MBOAT7: variants seen among roughly 807,000 people sequenced by gnomAD.
The protein encoded by MBOAT7 is membrane bound acylglycerophosphatidylinositol O-acyltransferase MBOAT7.
Under a neutral mutation model 47.4 loss-of-function variants are expected in MBOAT7, and 40 were observed. The ratio of observed to expected loss-of-function variants is 0.84; its 90% CI spans 0.66 to 1.10. The LOEUF is 1.10. Ranked by LOEUF, MBOAT7 falls within the 50% of genes least tolerant of loss-of-function variation. MBOAT7 has a pLI of 0.00. For synonymous variants in MBOAT7, 361 were observed against 292.0 expected (o/e 1.24, Z -2.41); for missense variants, 680 against 655.6 (o/e 1.04, Z -0.41).
intron 4 of MBOAT7, among the ~76,000 whole-genome samples, chr19:54,186,687 G>A (rs1045683379): frequency 6.6e-6 from 1 of 152,128 alleles, no homozygotes; most frequent in South Asian, 2.1e-4. Context: ...CGGATAAGCC[G>A]CCAGTAGGAA....
Position 54,181,040 on chromosome 19 carries a change from C to A in MBOAT7, c.587G>T (p.Trp196Leu), listed in dbSNP as rs2076254268. The change falls in exon 6 of 8, where the codon TGG becomes TTG. Residue 196 changes from tryptophan (W) to leucine (L), a missense_variant. Transcript: ENST00000245615. ...CAGCAGGCCGAAGAGCGGGGCCGGC[C>A]AGGCGCGGCGCAGCAGGGGCCGCAG... is the stretch of plus-strand genomic sequence containing the variant. ...PSLRPLLRRA[W>L]PAPLFGLLFL... 6.5e-7 allele frequency: 1 copy of A among 1,548,570 alleles called. No individual in the cohort carries two copies.
Position 54,180,392 on chromosome 19 carries a change from T to A in MBOAT7, c.854+381A>T. On this transcript the variant is annotated intron_variant, in intron 6 of 7. Transcript: ENST00000245615. This position sits in a 1 kb window ranked among gnomAD's most constrained non-coding sequence, Gnocchi z 5.2. ...TTCTGTTGCTAGGGAACCGTTTCCC[T>A]AGCAACAGAGGGTGACCCACCACTA... The A allele has an allele frequency of 6.2e-6, 1 of 162,330 alleles. No individual in the cohort carries two copies. The highest frequency in any genetic ancestry group is 1.3e-5 in the Non-Finnish European group (1 of 75,342). 10.1% of individuals were successfully genotyped at this position (162,330 alleles called of 1,614,324 possible). A position where few individuals can be genotyped will look rare whatever the true frequency, so the allele number is the denominator to read the frequency against.
At chr19:54,176,992 C>T (rs1257918483) in intron 7 of MBOAT7, among the ~76,000 whole-genome samples, 2 of 151,864 alleles carry the variant, frequency 1.3e-5, no homozygotes, top group African/African-American at 2.4e-5. Context: ...GAGGCCGAGG[C>T]ACGCGGATCA....
In MBOAT7 at chr19:54,183,641, C is replaced by A; in HGVS notation, c.373G>T (p.Ala125Ser). The A allele has an allele frequency of 6.3e-7, 1 of 1,599,628 alleles. No individual in the cohort carries two copies. The highest frequency in any genetic ancestry group is 8.5e-7 in the Non-Finnish European group (1 of 1,173,678). ...CCTGAGGCCATTTCCTTCCTCTGGG[C>A]CAGATGCAGGTCCTGGACTTCACTG... ...LASEVQDLHL[A>S]QRKEMASGFS... The change falls in exon 5 of 8, where the codon GCC (alanine) becomes TCC (serine). Residue 125 changes from alanine (A) to serine (S), a missense_variant. Physicochemically the swap from Ala to Ser is moderately conservative, Grantham distance 99. Transcript: ENST00000245615.
At chr19:54,175,862 C>T (rs1043057562) in intron 7 of MBOAT7, among the ~76,000 whole-genome samples, 7 of 152,202 alleles carry the variant, frequency 4.6e-5, no homozygotes, top group African/African-American at 1.4e-4. Flanking sequence ...GCAGCTGGGA[C>T]TACAGGTGCC....
chr19:54,177,201 C>A (rs2076132440), intron 7 of MBOAT7, among the ~76,000 whole-genome samples: 1 of 110,714 alleles, frequency 9.0e-6, no homozygotes, highest in Non-Finnish European at 1.9e-5. Context: ...ATCCTTCTTA[C>A]TCCCAAAACT....
At position 54,180,715 on chromosome 19, in the gene MBOAT7, C is replaced by A. The variant is rs113507394; in HGVS notation, c.854+58G>T. On this transcript the variant is annotated intron_variant, in intron 6 of 7. Coordinates refer to ENST00000245615, the MANE Select transcript of MBOAT7 (RefSeq NM_024298.5). This position sits in a 1 kb window ranked among gnomAD's most constrained non-coding sequence, Gnocchi z 5.2. ...GCTCTCCTCCCGGCTAGGGGCAGAGCCAGCCCTTGGAGGTGGGGGCTGCTG... is the reference window on the plus strand; with the variant it reads ...GCTCTCCTCCCGGCTAGGGGCAGAGACAGCCCTTGGAGGTGGGGGCTGCTG... 1.4e-6 allele frequency: 2 copies of A among 1,432,718 alleles called. No homozygotes were observed. Among genetic ancestry groups the A allele is most frequent in the East Asian group, 2.5e-5 (1 of 40,156 alleles). 88.8% of individuals were successfully genotyped at this position (1,432,718 alleles called of 1,614,324 possible). A position where few individuals can be genotyped will look rare whatever the true frequency, so the allele number is the denominator to read the frequency against.
chr19:54,175,692 G>A (rs906049102), intron 7 of MBOAT7, among the ~76,000 whole-genome samples: 5 of 152,190 alleles, frequency 3.3e-5, no homozygotes, highest in Non-Finnish European at 5.9e-5. Flanking sequence ...TGGGATTACA[G>A]GCAAGCGCCA....
chr19:54,188,368 T>C, intron 2 of MBOAT7, 22 bp from the exon 3 acceptor site: 2 of 1,611,054 alleles, frequency 1.2e-6, no homozygotes, highest in Non-Finnish European at 1.7e-6. Flanking sequence ...AGGGACAGCA[T>C]AAGCCTGGAA....
chr19:54,188,436 C>T lies in MBOAT7; in HGVS notation c.73G>A (p.Ala25Thr), dbSNP rs1447094402. The change falls in exon 2 of 8, where the codon GCC (alanine) becomes ACC (threonine). Residue 25 changes from alanine (A) to threonine (T), a missense_variant. Transcript: ENST00000245615. Reference sequence around the variant, plus strand: ...CTGGGGAGGGAGCCTGACTCACCGGCTTTCTTAAAGAGGAAGCCGATGGGG... The same window carrying T: ...CTGGGGAGGGAGCCTGACTCACCGGTTTTCTTAAAGAGGAAGCCGATGGGG... The part of the protein sequence containing the change: ...SIPIGFLFKK[A>T]GPGLKRWGAA... 7 of 1,562,700 alleles carry T rather than the reference C, an allele frequency of 4.5e-6. No individual in the cohort carries two copies. Among genetic ancestry groups the T allele is most frequent in the South Asian group, 2.3e-5 (2 of 86,070 alleles).
At chr19:54,182,537 T>C (rs2147003078) in intron 5 of MBOAT7, among the ~76,000 whole-genome samples, 1 of 151,262 alleles carries the variant, frequency 6.6e-6, no homozygotes, top group African/African-American at 2.4e-5. Context: ...AAGCCAAGAG[T>C]TGTATGTTTT....
At position 54,180,951 on chromosome 19, in the gene MBOAT7, G is replaced by T; in HGVS notation, c.676C>A (p.Pro226Thr). 1 of 1,582,292 alleles carries T rather than the reference G, an allele frequency of 6.3e-7. No individual in the cohort carries two copies. The highest frequency in any genetic ancestry group is 8.6e-7 in the Non-Finnish European group (1 of 1,166,302). ...ATGTAGAAGAGGCGGGCGGGCAGCG[G>T]GCGGGCGTAGAAGGCGTCCTCGCGC... ...AVREDAFYAR[P>T]LPARLFYMIP... Residue 226 changes from proline (P) to threonine (T), a missense_variant, in exon 6 of 8, where the codon CCG (proline) becomes ACG (threonine). By Grantham distance (38) the Pro-to-Thr change is conservative. Transcript: ENST00000245615. This position sits in a 1 kb window ranked among gnomAD's most constrained non-coding sequence, Gnocchi z 5.2.
intron 1 of MBOAT7, among the ~76,000 whole-genome samples, chr19:54,188,741 C>G (rs1271559080): frequency 6.6e-6 from 1 of 151,988 alleles, no homozygotes; most frequent in African/African-American, 2.4e-5. Flanking sequence ...CACAGGCCTC[C>G]AGCTCTCCTG....
chr19:54,188,925 C>T (rs1404070056), intron 1 of MBOAT7, among the ~76,000 whole-genome samples: 6 of 152,062 alleles, frequency 3.9e-5, no homozygotes, highest in Non-Finnish European at 8.8e-5. Flanking sequence ...TTCGACAGCC[C>T]AGGAATCTAG....
intron 2 of MBOAT7, 42 bp downstream of exon 2, chr19:54,188,391 T>C: frequency 6.3e-7 from 1 of 1,588,972 alleles, no homozygotes. Context: ...TTCCAGAGGG[T>C]CCCCCCCCTT....
chr19:54,175,295 C>T (rs2076076337), intron 7 of MBOAT7, among the ~76,000 whole-genome samples: 1 of 152,168 alleles, frequency 6.6e-6, no homozygotes, highest in Non-Finnish European at 1.5e-5. Flanking sequence ...TGGTTCTTAA[C>T]CTGGGGTCCC....
In MBOAT7 at chr19:54,178,752, C is replaced by T. The variant is rs749428006; in HGVS notation, c.1031+13G>A. On this transcript the variant is annotated intron_variant, in intron 7 of 7. Transcript: ENST00000245615. Reference sequence around the variant, plus strand: ...TTCTGCAGTGTCACCTGAGACTGGGCGGGCTCACTCACCGCAGGACATAGG... The same window carrying T: ...TTCTGCAGTGTCACCTGAGACTGGGTGGGCTCACTCACCGCAGGACATAGG... The T allele has an allele frequency of 6.8e-6, 11 of 1,612,042 alleles. No individual in the cohort carries two copies. The highest frequency in any genetic ancestry group is 1.7e-5 in the Admixed American group (1 of 59,964).
chr19:54,187,461 G>A (rs2076461363), intron 3 of MBOAT7, among the ~76,000 whole-genome samples, 174 bp from the exon 4 acceptor site: 1 of 152,228 alleles, frequency 6.6e-6, no homozygotes, highest in Admixed American at 6.5e-5. Flanking sequence ...GAGTATGATT[G>A]AAACAGTGGG....
chr19:54,179,074 C>T (rs2076197216), intron 6 of MBOAT7, 133 bp from the exon 7 acceptor site: 3 of 1,292,006 alleles, frequency 2.3e-6, no homozygotes, highest in Admixed American at 4.7e-5. Flanking sequence ...GGCTGTCAGA[C>T]TTGCTAGGGC....
Sources: allele counts gnomAD v4.1 joint callset (sites outside exome capture counted in the v4.1 genomes callset), GRCh38; gene constraint gnomAD v4.1.1; non-coding constraint Gnocchi (gnomAD v3.1); transcripts MANE v1.5; gene names NCBI Gene and HGNC (gene_info 2026-07-23, HGNC 2026-07-21).